The following CCDC150 variants were observed in gnomAD, a reference collection of about 807,000 sequenced individuals.
CCDC150 encodes coiled-coil domain-containing protein 150.
A neutral mutation model predicts 156.5 loss-of-function variants in CCDC150; 151 were observed. The observed-to-expected ratio is 0.97, with a 90% confidence interval of 0.85 to 1.10. The LOEUF is 1.10. Among genes scored for constraint, CCDC150 ranks in the 50% least tolerant of loss-of-function variants. The pLI is 0.00. For missense variants in CCDC150, 1,312 were observed against 1,268.1 expected (o/e 1.03, Z -0.53); for synonymous variants, 452 against 429.4 (o/e 1.05, Z -0.65).
Position 196,657,028 on chromosome 2 carries a change from A to G in CCDC150, c.468A>G (p.Glu156=). The change falls in exon 4 of 28, where the codon GAA becomes GAG. Residue 156 remains glutamate (E), a synonymous_variant. Coordinates refer to ENST00000389175, the MANE Select transcript of CCDC150 (RefSeq NM_001080539.2). ...AGGACCTGAAGCTGTTGCATCTCGA[A>G]GTTATGAATTTGCGCCAGCAACTGA... ...HSKDLKLLHL[E]VMNLRQQLRA... is the part of the protein sequence containing the mutation. 1.2e-6 allele frequency: 2 copies of G among 1,613,764 alleles called. No individual in the cohort carries two copies. The highest frequency in any genetic ancestry group is 1.7e-6 in the Non-Finnish European group (2 of 1,179,776).
chr2:196,668,976 T>G (rs1346021854), intron 7 of CCDC150, among the ~76,000 whole-genome samples: 2 of 152,236 alleles, frequency 1.3e-5, no homozygotes, highest in African/African-American at 2.4e-5. Flanking sequence ...TTAGAATATT[T>G]AAGTGAAACA....
intron 13 of CCDC150, among the ~76,000 whole-genome samples, chr2:196,679,175 A>ATT (rs1694673911): frequency 6.6e-6 from 1 of 152,162 alleles, no homozygotes. Flanking sequence ...AATTGTTATA[A>ATT]TTTACATACA....
At chr2:196,729,729 G>A (rs1698423259) in intron 23 of CCDC150, 64 bp from the exon 24 acceptor site, 2 of 1,086,118 alleles carry the variant, frequency 1.8e-6, no homozygotes, top group Admixed American at 4.7e-5. Flanking sequence ...CATCCTATAG[G>A]CAAAAAGAGC....
At chr2:196,732,367 A>G (rs748485634) in intron 27 of CCDC150, 79 bp from the exon 28 acceptor site, 20 of 1,181,080 alleles carry the variant, frequency 1.7e-5, no homozygotes, top group Non-Finnish European at 2.3e-5. Flanking sequence ...AATAGATGAC[A>G]TGTGTAGAGG....
Position 196,732,529 on chromosome 2 carries a change from C to T in CCDC150, c.3273C>T (p.Pro1091=). The change falls in exon 28 of 28, where the codon CCC becomes CCT. Residue 1091 remains proline, a synonymous_variant. Transcript: ENST00000389175. ...GAAAACAGAATCTTAGGCCCATGCC[C>T]AAGAAGTATCATTCTGAGGTACAGA... The part of the protein sequence containing the change: ...WERKQNLRPM[P]KKYHSEVQRK 7 of 1,612,522 alleles carry T rather than the reference C, an allele frequency of 4.3e-6. No individual in the cohort carries two copies. The highest frequency in any genetic ancestry group is 5.9e-6 in the Non-Finnish European group (7 of 1,178,668).
In CCDC150 at chr2:196,656,727, G is replaced by A; in HGVS notation, c.271G>A (p.Asp91Asn). 1 of 1,613,782 alleles carries A rather than the reference G, an allele frequency of 6.2e-7. No homozygotes were observed. Among genetic ancestry groups the A allele is most frequent in the Non-Finnish European group, 8.5e-7 (1 of 1,179,754 alleles). ...QNEAICAGKT[D>N]ILWKNCEFLV... Reference sequence around the variant, plus strand: ...TGAAGCAATTTGTGCAGGAAAAACAGATATTTTATGGAAGAACTGTGAGTT... The same window carrying A: ...TGAAGCAATTTGTGCAGGAAAAACAAATATTTTATGGAAGAACTGTGAGTT... Residue 91 changes from aspartate (D) to asparagine (N), a missense_variant, in exon 3 of 28, where the codon GAT becomes AAT. Physicochemically the swap from Asp to Asn is conservative, Grantham distance 23. Transcript: ENST00000389175.
intron 18 of CCDC150, 30 bp downstream of exon 18, chr2:196,718,661 T>C (rs1458455460): frequency 3.7e-6 from 6 of 1,606,854 alleles, no homozygotes; most frequent in African/African-American, 2.7e-5. Context: ...TGACCGTCTG[T>C]CACTGAGAAG....
In CCDC150 at chr2:196,669,888, A is replaced by G. The variant is rs1256057425; in HGVS notation, c.936+12A>G. ...TTGAAGAAAATAAGGTGAGTTTTGAAGTTGTGGAGTACAGAGGTGGTCTTT... is the reference window on the plus strand; with the variant it reads ...TTGAAGAAAATAAGGTGAGTTTTGAGGTTGTGGAGTACAGAGGTGGTCTTT... On this transcript the variant is annotated intron_variant, in intron 8 of 27. Coordinates refer to ENST00000389175, the MANE Select transcript of CCDC150 (RefSeq NM_001080539.2). 3 of 1,606,904 alleles carry G rather than the reference A, an allele frequency of 1.9e-6. No individual in the cohort carries two copies. Among genetic ancestry groups the G allele is most frequent in the Non-Finnish European group, 1.7e-6 (2 of 1,174,626 alleles).
Position 196,732,457 on chromosome 2 carries a change from A to G in CCDC150, c.3201A>G (p.Val1067=), listed in dbSNP as rs1188055632. The change falls in exon 28 of 28, where the codon GTA becomes GTG. Residue 1067 remains valine, a synonymous_variant. Coordinates refer to ENST00000389175, the MANE Select transcript of CCDC150 (RefSeq NM_001080539.2). ...TTTCTTTCCAACAGGACCAAGATGTAAAACATGATGTCATGTCCAACCAAT... is the reference window on the plus strand; with the variant it reads ...TTTCTTTCCAACAGGACCAAGATGTGAAACATGATGTCATGTCCAACCAAT... The part of the protein sequence containing the change: ...EDRWQEKDQD[V]KHDVMSNQSV... The G allele has an allele frequency of 6.2e-7, 1 of 1,612,524 alleles. No individual in the cohort carries two copies. Among genetic ancestry groups the G allele is most frequent in the Admixed American group, 1.7e-5 (1 of 60,030 alleles).
At chr2:196,669,772 CTA>C (rs759859809) in intron 7 of CCDC150, 59 bp from the exon 8 acceptor site, 57 of 1,104,778 alleles carry the variant, frequency 5.2e-5, no homozygotes, top group Admixed American at 3.0e-4. Flanking sequence ...AAGCTTCTCA[CTA>C]TGTGATTTTA....
intron 18 of CCDC150, among the ~76,000 whole-genome samples, chr2:196,718,949 TG>T (rs1432719553): frequency 1.4e-5 from 2 of 147,424 alleles, no homozygotes; most frequent in Admixed American, 6.7e-5. Context: ...ATTAATGTGG[TG>T]TAAGATTTCT....
At chr2:196,708,571 C>T (rs1441024677) in intron 15 of CCDC150, among the ~76,000 whole-genome samples, 1 of 152,050 alleles carries the variant, frequency 6.6e-6, no homozygotes, top group Non-Finnish European at 1.5e-5. Context: ...GGTTATTTTG[C>T]CCATTAGTTG....
chr2:196,660,188 A>C (rs140795839), intron 5 of CCDC150, among the ~76,000 whole-genome samples: 1 of 152,150 alleles, frequency 6.6e-6, no homozygotes, highest in Non-Finnish European at 1.5e-5. Context: ...TGTATGTACC[A>C]CAATTTGTTT....
rs377606408 is a variant in CCDC150, at chr2:196,729,866, A to G, written c.2820+5A>G. 4.5e-4 allele frequency: 720 copies of G among 1,602,476 alleles called. 6 individuals are homozygous for G. The South Asian group carries it at 6.9e-3, about 15-fold the overall frequency. ...CAGAAAAAGAACTATGAACAGGTAG[A>G]TGATTTCCATATACTCTGTGTTTAC... is the stretch of plus-strand genomic sequence containing the variant. On this transcript the variant is annotated splice_donor_5th_base_variant and intron_variant, in intron 24 of 27. Coordinates refer to ENST00000389175, the MANE Select transcript of CCDC150 (RefSeq NM_001080539.2).
chr2:196,717,744 G>A (rs1697618534), intron 17 of CCDC150, among the ~76,000 whole-genome samples: 2 of 152,020 alleles, frequency 1.3e-5, no homozygotes, highest in South Asian at 4.2e-4. Context: ...ACAAAATTTA[G>A]CTTGGTATGA....
At chr2:196,715,676 T>C (rs1406743378) in intron 17 of CCDC150, among the ~76,000 whole-genome samples, 2 of 152,154 alleles carry the variant, frequency 1.3e-5, no homozygotes, top group Admixed American at 1.3e-4. Flanking sequence ...AAACAAAATA[T>C]CTTTGCTCCA....
chr2:196,656,627 G>C lies in CCDC150; in HGVS notation c.177-6G>C. The C allele has an allele frequency of 6.3e-7, 1 of 1,591,230 alleles. No individual in the cohort carries two copies. Among genetic ancestry groups the C allele is most frequent in the South Asian group, 1.1e-5 (1 of 88,756 alleles). ...ATAATATTGTTATATTGGGATCTTTGTCCAGAGGCTATTTGGAAGCTCCAG... is the reference window on the plus strand; with the variant it reads ...ATAATATTGTTATATTGGGATCTTTCTCCAGAGGCTATTTGGAAGCTCCAG... On this transcript the variant is annotated splice_region_variant and splice_polypyrimidine_tract_variant and intron_variant, in intron 2 of 27. Transcript: ENST00000389175.
chr2:196,723,187 G>T (rs1698022444), intron 21 of CCDC150, among the ~76,000 whole-genome samples: 1 of 152,150 alleles, frequency 6.6e-6, no homozygotes, highest in Non-Finnish European at 1.5e-5. Context: ...GAGGCTACTA[G>T]TTGGAATTCA....
chr2:196,650,809 G>A (rs539638441), intron 2 of CCDC150, among the ~76,000 whole-genome samples: 4 of 152,282 alleles, frequency 2.6e-5, no homozygotes, highest in East Asian at 1.9e-4. Flanking sequence ...CTTGTAAAAC[G>A]AATTTGATGT....
Sources: allele counts gnomAD v4.1 joint callset (sites outside exome capture counted in the v4.1 genomes callset), GRCh38; gene constraint gnomAD v4.1.1; transcripts MANE v1.5; gene names NCBI Gene and HGNC (gene_info 2026-07-23, HGNC 2026-07-21).